ADCY2: variants seen among roughly 807,000 people sequenced by gnomAD.
The protein encoded by ADCY2 is adenylate cyclase 2.
In ADCY2, 31 loss-of-function variants were observed where a neutral mutation model predicts 125.2. That is an observed-to-expected ratio of 0.25 (90% CI 0.19 to 0.33). The LOEUF (loss-of-function observed/expected upper bound fraction) is 0.33. Ranked by LOEUF, ADCY2 falls within the 10% of genes least tolerant of loss-of-function variation. The pLI is 1.00. For synonymous variants in ADCY2, 512 were observed against 548.4 expected (o/e 0.93, Z 0.93); for missense variants, 904 against 1,418.2 (o/e 0.64, Z 5.82).
intron 3 of ADCY2, among the ~76,000 whole-genome samples, chr5:7,587,074 G>T (rs1736652888): frequency 1.3e-5 from 2 of 152,140 alleles, no homozygotes; most frequent in South Asian, 4.2e-4. Context: ...GATTTGAAGA[G>T]AGTGTCTAGA....
At chr5:7,721,129 G>A (rs1198180474) in intron 12 of ADCY2, among the ~76,000 whole-genome samples, 2 of 152,124 alleles carry the variant, frequency 1.3e-5, no homozygotes, top group East Asian at 1.9e-4. Context: ...GTTTTGATTT[G>A]CATTTCTCTG....
intron 2 of ADCY2, among the ~76,000 whole-genome samples, chr5:7,469,124 A>T (rs1742236508): frequency 6.6e-6 from 1 of 152,066 alleles, no homozygotes; most frequent in Non-Finnish European, 1.5e-5. Context: ...TCTTGATTAT[A>T]AATGTAACCT....
At chr5:7,692,080 T>C (rs1158170784) in intron 5 of ADCY2, 1 of 152,180 alleles carries the variant, frequency 6.6e-6, no homozygotes, top group Non-Finnish European at 1.5e-5. Flanking sequence ...CGACATGAGA[T>C]TTGGGTGGGG....
chr5:7,661,830 C>G (rs888626658), intron 4 of ADCY2, among the ~76,000 whole-genome samples: 2 of 152,184 alleles, frequency 1.3e-5, no homozygotes, highest in Admixed American at 6.5e-5. Context: ...TTTAAACATT[C>G]TTTTCCTAAG....
chr5:7,699,080 C>CTTTTT (rs1740989782), intron 7 of ADCY2, among the ~76,000 whole-genome samples: 6 of 36,548 alleles, frequency 1.6e-4, no homozygotes, highest in Admixed American at 4.3e-4. Context: ...CAACAGTAAG[C>CTTTTT]ATTTTTTTTT....
intron 2 of ADCY2, among the ~76,000 whole-genome samples, chr5:7,516,123 G>A (rs1046649144): frequency 6.6e-6 from 1 of 152,096 alleles, no homozygotes; most frequent in Admixed American, 6.5e-5. Context: ...TTAGACAAGG[G>A]CTCCCATCCT....
At chr5:7,825,896 G>C (rs1372253071) in intron 24 of ADCY2, among the ~76,000 whole-genome samples, 1 of 152,244 alleles carries the variant, frequency 6.6e-6, no homozygotes, top group Non-Finnish European at 1.5e-5. Context: ...GAAGCTGTCA[G>C]AGCCAGCAAG....
intron 3 of ADCY2, among the ~76,000 whole-genome samples, chr5:7,619,645 A>G (rs907094431): frequency 1.8e-4 from 27 of 152,096 alleles, no homozygotes; most frequent in Non-Finnish European, 1.2e-4. Context: ...CCCATAGTGG[A>G]GAGAAGCTAA....
intron 3 of ADCY2, among the ~76,000 whole-genome samples, chr5:7,573,469 G>A (rs534704387): frequency 9.9e-5 from 15 of 152,012 alleles, no homozygotes; most frequent in African/African-American, 3.6e-4. Flanking sequence ...AGATAGACAC[G>A]GGGAAAAGAT....
chr5:7,535,732 A>G (rs572384851), intron 3 of ADCY2, among the ~76,000 whole-genome samples: 1 of 152,244 alleles, frequency 6.6e-6, no homozygotes, highest in Non-Finnish European at 1.5e-5. Context: ...GATTGAAACA[A>G]TAAGAAATCG....
chr5:7,725,908 C>G (rs553777544), intron 13 of ADCY2, among the ~76,000 whole-genome samples: 1 of 152,290 alleles, frequency 6.6e-6, no homozygotes, highest in Admixed American at 6.5e-5. Context: ...CCCATGTACA[C>G]ATATTTGCAG....
intron 11 of ADCY2, among the ~76,000 whole-genome samples, chr5:7,715,995 C>T (rs1360653860): frequency 6.6e-6 from 1 of 152,170 alleles, no homozygotes; most frequent in East Asian, 1.9e-4. Context: ...TTCAGGCTAG[C>T]AGGCCGTGCT....
chr5:7,592,881 A>C (rs1453860734), intron 3 of ADCY2, among the ~76,000 whole-genome samples: 1 of 152,204 alleles, frequency 6.6e-6, no homozygotes, highest in Non-Finnish European at 1.5e-5. Context: ...TTAAATAGTA[A>C]TGAAGGATGA....
intron 2 of ADCY2, among the ~76,000 whole-genome samples, chr5:7,449,574 A>G (rs1036649143): frequency 3.9e-5 from 6 of 152,180 alleles, no homozygotes; most frequent in Non-Finnish European, 7.3e-5. Context: ...AATAAAATGG[A>G]ATATCTGTAT....
intron 2 of ADCY2, among the ~76,000 whole-genome samples, chr5:7,463,336 AAG>A (rs1741982685): frequency 6.6e-6 from 1 of 152,196 alleles, no homozygotes. Flanking sequence ...AGAGGACAAA[AAG>A]AACAATCGTT....
At chr5:7,488,014 T>G (rs1743006028) in intron 2 of ADCY2, among the ~76,000 whole-genome samples, 4 of 152,168 alleles carry the variant, frequency 2.6e-5, no homozygotes, top group Admixed American at 2.6e-4. Flanking sequence ...GAAAAAAACA[T>G]TATGATATTA....
intron 2 of ADCY2, among the ~76,000 whole-genome samples, chr5:7,439,262 T>C (rs552681717): frequency 6.6e-6 from 1 of 152,310 alleles, no homozygotes; most frequent in East Asian, 1.9e-4. Flanking sequence ...CAGTTTTACC[T>C]GGCTGGGCAG....
chr5:7,543,918 G>A (rs1735073052), intron 3 of ADCY2, among the ~76,000 whole-genome samples: 1 of 150,586 alleles, frequency 6.6e-6, no homozygotes, highest in South Asian at 2.1e-4. Flanking sequence ...GGAGGCTGAG[G>A]CAGGAGAATG....
intron 4 of ADCY2, among the ~76,000 whole-genome samples, chr5:7,663,306 C>T (rs1373904357): frequency 6.6e-6 from 1 of 152,220 alleles, no homozygotes; most frequent in African/African-American, 2.4e-5. Flanking sequence ...ATAAATGGCC[C>T]AGTGAAAAGC....
Sources: gnomAD v4.1 joint callset for allele counts (sites outside exome capture counted in the v4.1 genomes callset) on GRCh38, gnomAD v4.1.1 for gene constraint, MANE v1.5 for transcripts, NCBI Gene and HGNC (gene_info 2026-07-23, HGNC 2026-07-21) for gene names.